The following DYNC1LI1 variants were observed in gnomAD, a reference collection of about 807,000 sequenced individuals.
The protein encoded by DYNC1LI1 is dynein cytoplasmic 1 light intermediate chain 1, also known as cytoplasmic dynein 1 light intermediate chain 1.
In DYNC1LI1, 19 loss-of-function variants were observed where a neutral mutation model predicts 63.8. That is an observed-to-expected ratio of 0.30 (90% confidence interval 0.21 to 0.44). The LOEUF (loss-of-function observed/expected upper bound fraction) is 0.44, where lower values mean the gene tolerates loss of function less well. Ranked by LOEUF, DYNC1LI1 falls within the 20% of genes least tolerant of loss-of-function variation. The pLI is 1.00. For missense variants in DYNC1LI1, 565 were observed against 630.2 expected (o/e 0.90, Z 1.11); for synonymous variants, 225 against 232.3 (o/e 0.97, Z 0.28).
chr3:32,537,335 G>A (rs1367645616), intron 5 of DYNC1LI1: 5 of 245,736 alleles, frequency 2.0e-5, no homozygotes, highest in Non-Finnish European at 3.8e-5. Flanking sequence ...TGTTAAATCT[G>A]GTCAGAACAC....
At chr3:32,529,471 T>C in intron 11 of DYNC1LI1, 69 bp downstream of exon 11, 1 of 1,446,822 alleles carries the variant, frequency 6.9e-7, no homozygotes, top group Non-Finnish European at 9.4e-7. Context: ...TGGCAAAAGG[T>C]GGAATTTTAG....
intron 2 of DYNC1LI1, among the ~76,000 whole-genome samples, chr3:32,564,677 A>T (rs560172089): frequency 1.3e-4 from 20 of 152,342 alleles, no homozygotes; most frequent in African/African-American, 4.8e-4. Context: ...ATTTCATGCT[A>T]ATTCTTTGAA....
chr3:32,564,305 C>T (rs567867924), intron 2 of DYNC1LI1, among the ~76,000 whole-genome samples: 1 of 152,260 alleles, frequency 6.6e-6, no homozygotes, highest in East Asian at 1.9e-4. Flanking sequence ...CAGGGCAAGA[C>T]CCCATCTCTA....
At chr3:32,568,812 TAG>T (rs1698303713) in intron 2 of DYNC1LI1, among the ~76,000 whole-genome samples, 1 of 152,196 alleles carries the variant, frequency 6.6e-6, no homozygotes, top group Non-Finnish European at 1.5e-5. Context: ...TTAATTAAAA[TAG>T]AATCAATTTC....
intron 2 of DYNC1LI1, among the ~76,000 whole-genome samples, chr3:32,562,646 A>G (rs1474378887): frequency 1.3e-5 from 2 of 152,060 alleles, no homozygotes; most frequent in African/African-American, 4.8e-5. Flanking sequence ...TTATCTTCTT[A>G]CCTTTTTTTA....
At chr3:32,545,737 C>T (rs1214584435) in intron 3 of DYNC1LI1, 112 bp downstream of exon 3, 5 of 767,790 alleles carry the variant, frequency 6.5e-6, no homozygotes, top group Non-Finnish European at 9.2e-6. Context: ...ACCAGCATGA[C>T]ATCACAGAAC....
intron 5 of DYNC1LI1, among the ~76,000 whole-genome samples, chr3:32,538,389 GTGGTT>G (rs1697830349): frequency 6.6e-6 from 1 of 151,456 alleles, no homozygotes; most frequent in Non-Finnish European, 1.5e-5. Context: ...GAAAGGCATG[GTGGTT>G]TAGTATTAAA....
At chr3:32,534,015 T>G (rs1389884936) in intron 7 of DYNC1LI1, among the ~76,000 whole-genome samples, 4 of 151,834 alleles carry the variant, frequency 2.6e-5, no homozygotes, top group Non-Finnish European at 5.9e-5. Context: ...TAGCTGGGAC[T>G]ACAGGTGTGC....
intron 3 of DYNC1LI1, 81 bp downstream of exon 3, chr3:32,545,768 C>T: frequency 2.1e-6 from 2 of 958,542 alleles, no homozygotes; most frequent in Non-Finnish European, 3.3e-6. Context: ...AAATTACACA[C>T]TAAAAAAAAT....
At chr3:32,565,957 T>C (rs997678421) in intron 2 of DYNC1LI1, among the ~76,000 whole-genome samples, 2 of 152,164 alleles carry the variant, frequency 1.3e-5, no homozygotes, top group African/African-American at 2.4e-5. Flanking sequence ...TATGTAACCC[T>C]AGGACAATTT....
intron 2 of DYNC1LI1, among the ~76,000 whole-genome samples, chr3:32,560,918 CT>C (rs1427710721): frequency 2.2e-5 from 3 of 139,082 alleles, no homozygotes; most frequent in Non-Finnish European, 4.6e-5. Flanking sequence ...AGGATAATCG[CT>C]TGAACAAGGG....
chr3:32,539,827 G>A (rs1026581319), intron 5 of DYNC1LI1, among the ~76,000 whole-genome samples: 4 of 151,130 alleles, frequency 2.6e-5, no homozygotes, highest in South Asian at 2.1e-4. Context: ...GAGCCACCAC[G>A]CCCAGCTGAT....
chr3:32,565,686 T>C (rs1472928963), intron 2 of DYNC1LI1, among the ~76,000 whole-genome samples: 1 of 152,158 alleles, frequency 6.6e-6, no homozygotes, highest in Non-Finnish European at 1.5e-5. Flanking sequence ...CTTGGCTCAC[T>C]GCAACCTCTG....
chr3:32,564,716 C>T (rs1698236624), intron 2 of DYNC1LI1, among the ~76,000 whole-genome samples: 1 of 152,182 alleles, frequency 6.6e-6, no homozygotes, highest in South Asian at 2.1e-4. Flanking sequence ...TGGTAACAGT[C>T]TATTCCTTGC....
rs1697623021 is a variant in DYNC1LI1 at position 32,526,675 on chromosome 3, A to ACG, written c.*123_*124insCG. ...TAACCACACACACACACACACACAC[A>ACG]CACGACATAAATTTAGTCCATCTGA... On this transcript the variant is annotated 3_prime_UTR_variant, in exon 13 of 13. Coordinates refer to ENST00000273130, the MANE Select transcript of DYNC1LI1 (RefSeq NM_016141.4). 2 of 693,032 alleles carry ACG rather than the reference A, an allele frequency of 2.9e-6. No homozygotes were observed. Among genetic ancestry groups the ACG allele is most frequent in the Non-Finnish European group, 5.0e-6 (2 of 397,648 alleles). 42.9% of individuals were successfully genotyped at this position (693,032 alleles called of 1,614,324 possible).
In DYNC1LI1 at chr3:32,561,002, C is replaced by CAAAA. The variant is rs59037467; in HGVS notation, c.220+9340_220+9343dup. Among the ~76,000 whole-genome samples the CAAAA allele has an allele frequency of 8.0e-3, 209 of 26,088 alleles. 5 individuals carry two copies. Among genetic ancestry groups the CAAAA allele is most frequent in the Non-Finnish European group, 0.01 (148 of 14,156 alleles). 17.1% of individuals were successfully genotyped at this position (26,088 alleles called of 152,430 possible). On this transcript the variant is annotated intron_variant, in intron 2 of 12. Coordinates refer to ENST00000273130, the MANE Select transcript of DYNC1LI1 (RefSeq NM_016141.4). Reference sequence around the variant, plus strand: ...GGGCAACAAGAGCAAAACTCCGTCTCAAAAAAAAAAAAAAAAAAAAAAAAA... The same window carrying CAAAA: ...GGGCAACAAGAGCAAAACTCCGTCTCAAAAAAAAAAAAAAAAAAAAAAAAAAAAA...
intron 2 of DYNC1LI1, among the ~76,000 whole-genome samples, chr3:32,552,353 G>A (rs756261958): frequency 6.6e-6 from 1 of 151,820 alleles, no homozygotes; most frequent in Non-Finnish European, 1.5e-5. Flanking sequence ...TTTAAAACAG[G>A]GTCTTCCTAT....
Position 32,545,901 on chromosome 3 carries a change from T to G in DYNC1LI1, c.285A>C (p.Lys95Asn). ...AGTACAAATATTCCAATCCTCTTCC[T>G]TTCTTATACTCCTCTATTCCCTGAA... ...RKIQGIEEYK[K>N]GRGLEYLYLN... Residue 95 changes from lysine (K) to asparagine (N), a missense_variant, in exon 3 of 13, where the codon AAA (lysine) becomes AAC (asparagine). Coordinates refer to ENST00000273130, the MANE Select transcript of DYNC1LI1 (RefSeq NM_016141.4). The G allele has an allele frequency of 6.2e-7, 1 of 1,613,296 alleles. No individual in the cohort carries two copies. Among genetic ancestry groups the G allele is most frequent in the Non-Finnish European group, 8.5e-7 (1 of 1,179,382 alleles).
At chr3:32,542,782 A>G (rs922718151) in intron 4 of DYNC1LI1, among the ~76,000 whole-genome samples, 1 of 152,246 alleles carries the variant, frequency 6.6e-6, no homozygotes, top group African/African-American at 2.4e-5. Flanking sequence ...CTCTTAAAGT[A>G]ATTATGAGCC....
Sources: gnomAD v4.1 joint callset for allele counts (sites outside exome capture counted in the v4.1 genomes callset) on GRCh38, gnomAD v4.1.1 for gene constraint, MANE v1.5 for transcripts, NCBI Gene and HGNC (gene_info 2026-07-23, HGNC 2026-07-21) for gene names.